The following DEPDC5 variants were observed in gnomAD, a reference collection of about 807,000 sequenced individuals.
DEPDC5 encodes the protein DEP domain containing 5, GATOR1 subcomplex subunit.
A neutral mutation model predicts 217.3 loss-of-function variants in DEPDC5; 73 were observed. The observed-to-expected ratio is 0.34, with a 90% CI of 0.28 to 0.41. The LOEUF (loss-of-function observed/expected upper bound fraction) is 0.41, where lower values mean the gene tolerates loss of function less well. Among genes scored for constraint, DEPDC5 ranks in the 10% least tolerant of loss-of-function variants. DEPDC5 has a pLI of 1.00. For synonymous variants in DEPDC5, 733 were observed against 756.7 expected (o/e 0.97, Z 0.51); for missense variants, 1,675 against 2,070.1 (o/e 0.81, Z 3.70).
chr22:31,770,360 A>T (rs62238895), intron 7 of DEPDC5, among the ~76,000 whole-genome samples: 1 of 151,744 alleles, frequency 6.6e-6, no homozygotes, highest in African/African-American at 2.4e-5. Context: ...GTGTACACAC[A>T]ATCATATTTA....
chr22:31,820,666 T>C (rs1421387706), intron 22 of DEPDC5, among the ~76,000 whole-genome samples: 2 of 152,192 alleles, frequency 1.3e-5, no homozygotes, highest in Non-Finnish European at 2.9e-5. Flanking sequence ...TCCAGGTCAC[T>C]TAGAACTCTT....
Position 31,844,949 on chromosome 22 carries a change from A to G in DEPDC5, c.2802-69A>G, listed in dbSNP as rs866288098. 9.3e-5 allele frequency: 141 copies of G among 1,515,886 alleles called. No homozygotes were observed. In the African/African-American group the frequency reaches 1.7e-3, roughly 19 times the overall value. 93.9% of individuals were successfully genotyped at this position (1,515,886 alleles called of 1,614,324 possible). ...ACCTTCACACACCAACTCCACAGAGAGTTTACTGAGAGTGCTTTCATTATC... is the reference window on the plus strand; with the variant it reads ...ACCTTCACACACCAACTCCACAGAGGGTTTACTGAGAGTGCTTTCATTATC... On this transcript the variant is annotated intron_variant, in intron 29 of 42. Transcript: ENST00000651528.
intron 31 of DEPDC5, among the ~76,000 whole-genome samples, chr22:31,852,337 C>CT (rs2092070760): frequency 1.4e-5 from 2 of 145,854 alleles, no homozygotes; most frequent in Non-Finnish European, 3.0e-5. Context: ...TTATTTATTA[C>CT]TATTTTTTTT....
intron 24 of DEPDC5, among the ~76,000 whole-genome samples, chr22:31,823,814 C>G (rs112697683): frequency 9.2e-4 from 140 of 152,268 alleles, no homozygotes; most frequent in Admixed American, 2.1e-3. Flanking sequence ...AGTAACCTCT[C>G]AAACCAATAG....
At chr22:31,860,392 C>T (rs903307999) in intron 32 of DEPDC5, among the ~76,000 whole-genome samples, 3 of 152,186 alleles carry the variant, frequency 2.0e-5, no homozygotes, top group Non-Finnish European at 4.4e-5. Flanking sequence ...TTCAGTTATT[C>T]TACCTTTGGA....
chr22:31,812,890 G>A (rs1013266941), intron 20 of DEPDC5, among the ~76,000 whole-genome samples: 2 of 151,644 alleles, frequency 1.3e-5, no homozygotes, highest in Admixed American at 6.6e-5. Context: ...ACAAACATGC[G>A]CCTCCACGCC....
At chr22:31,772,089 G>A (rs979997128) in intron 7 of DEPDC5, among the ~76,000 whole-genome samples, 1 of 152,022 alleles carries the variant, frequency 6.6e-6, no homozygotes, top group East Asian at 1.9e-4. Context: ...AAAAAAGAAC[G>A]GGGGTTGGTG....
At chr22:31,809,913 C>T (rs1940982719) in intron 19 of DEPDC5, among the ~76,000 whole-genome samples, 1 of 152,028 alleles carries the variant, frequency 6.6e-6, no homozygotes, top group Non-Finnish European at 1.5e-5. Context: ...ACCCGGGAGG[C>T]AGAGGTTGCA....
chr22:31,850,879 G>A (rs913987206), intron 31 of DEPDC5, among the ~76,000 whole-genome samples: 2 of 152,116 alleles, frequency 1.3e-5, no homozygotes, highest in Non-Finnish European at 2.9e-5. Flanking sequence ...GACCATCCTG[G>A]CCAACATGGC....
At chr22:31,769,733 C>T (rs1043094500) in intron 7 of DEPDC5, 6 of 151,706 alleles carry the variant, frequency 4.0e-5, no homozygotes, top group African/African-American at 1.2e-4. Context: ...CCAGCCTGGG[C>T]AACATAGTGA....
At chr22:31,799,799 CTTTTTTTTTT>C (rs1158355451) in intron 14 of DEPDC5, among the ~76,000 whole-genome samples, 1 of 72,928 alleles carries the variant, frequency 1.4e-5, no homozygotes, top group Non-Finnish European at 2.5e-5. Context: ...CATGCCCGGC[CTTTTTTTTTT>C]TTTTTTTTTT....
chr22:31,819,431 A>T (rs2089467278), intron 22 of DEPDC5, among the ~76,000 whole-genome samples: 1 of 151,296 alleles, frequency 6.6e-6, no homozygotes, highest in African/African-American at 2.4e-5. Flanking sequence ...AATTAGCTGT[A>T]TAAACCTGAG....
chr22:31,796,647 TAGA>T (rs2086272541), intron 12 of DEPDC5, among the ~76,000 whole-genome samples: 1 of 152,148 alleles, frequency 6.6e-6, no homozygotes, highest in African/African-American at 2.4e-5. Flanking sequence ...ACCATTAAAG[TAGA>T]AGATCTTGTT....
chr22:31,847,920 A>T (rs1310776306), intron 31 of DEPDC5, among the ~76,000 whole-genome samples: 2 of 152,230 alleles, frequency 1.3e-5, no homozygotes, highest in Non-Finnish European at 2.9e-5. Context: ...GTCAAAAGCA[A>T]GTTAGTTACT....
At position 31,884,302 on chromosome 22, in the gene DEPDC5, T is replaced by G. The variant is rs1056138662; in HGVS notation, c.4033+4550T>G. ...TTTGGCAGTCATCCCCCTCCCTGAA[T>G]TCTCCCTCTCTGCTAAAGCATCCCT... is the stretch of plus-strand genomic sequence containing the variant. On this transcript the variant is annotated intron_variant, in intron 38 of 42. Coordinates refer to ENST00000651528, the MANE Select transcript of DEPDC5 (RefSeq NM_001242896.3). Among the ~76,000 whole-genome samples, 8 of 152,158 alleles carry G rather than the reference T, an allele frequency of 5.3e-5. No homozygotes were observed. The East Asian group carries it at 1.2e-3, about 22-fold the overall frequency.
intron 4 of DEPDC5, 39 bp downstream of exon 4, chr22:31,760,741 C>T: frequency 6.6e-7 from 1 of 1,511,400 alleles, no homozygotes. Context: ...TTTTTATTTA[C>T]TGCCTCAGAA....
At chr22:31,889,739 C>T (rs2093399602) in intron 38 of DEPDC5, among the ~76,000 whole-genome samples, 1 of 151,892 alleles carries the variant, frequency 6.6e-6, no homozygotes. Context: ...CGGGTTTCAC[C>T]TTGTTAGCCA....
intron 35 of DEPDC5, 183 bp from the exon 36 acceptor site, chr22:31,874,090 G>GC: frequency 1.0e-6 from 1 of 959,274 alleles, no homozygotes; most frequent in Non-Finnish European, 1.5e-6. Flanking sequence ...ACCACGCTGG[G>GC]CCCCCGGTAA....
At chr22:31,839,312 G>A (rs1225263048) in intron 27 of DEPDC5, among the ~76,000 whole-genome samples, 1 of 152,150 alleles carries the variant, frequency 6.6e-6, no homozygotes, top group African/African-American at 2.4e-5. Context: ...GCAAGAATGG[G>A]TCATCTATGA....
Sources: gnomAD v4.1 joint callset for allele counts (sites outside exome capture counted in the v4.1 genomes callset) on GRCh38, gnomAD v4.1.1 for gene constraint, MANE v1.5 for transcripts, NCBI Gene and HGNC (gene_info 2026-07-23, HGNC 2026-07-21) for gene names.